The following ALK variants were observed in gnomAD, a reference collection of about 807,000 sequenced individuals.
ALK encodes the protein ALK tyrosine kinase receptor.
ALK carries 74 observed loss-of-function variants against 163.1 expected under a neutral mutation model. The observed-to-expected ratio is 0.45, with a 90% CI of 0.38 to 0.55. The LOEUF (loss-of-function observed/expected upper bound fraction) is 0.55. Among genes scored for constraint, ALK ranks in the 20% least tolerant of loss-of-function variants. The pLI, the probability that ALK is intolerant of heterozygous loss-of-function variation, is 0.00. For synonymous variants in ALK, 960 were observed against 843.2 expected (o/e 1.14, Z -2.40); for missense variants, 2,063 against 2,105.3 (o/e 0.98, Z 0.39).
chr2:29,404,307 CAAAAA>C (rs11297118), intron 4 of ALK, among the ~76,000 whole-genome samples: 31,877 of 135,286 alleles, frequency 0.24, 3,814 homozygotes, highest in Non-Finnish European at 0.29. Context: ...GACTCCGTCT[CAAAAA>C]AAAAAAAAAA....
chr2:29,669,263 T>C (rs925141561), intron 3 of ALK, among the ~76,000 whole-genome samples: 3 of 152,134 alleles, frequency 2.0e-5, no homozygotes, highest in African/African-American at 7.2e-5. Context: ...GTTTGCTTTA[T>C]ATACTTGGGA....
At chr2:29,590,333 C>T (rs921170653) in intron 3 of ALK, among the ~76,000 whole-genome samples, 2 of 152,102 alleles carry the variant, frequency 1.3e-5, no homozygotes, top group Non-Finnish European at 2.9e-5. Context: ...TGCATGGTTC[C>T]GCGGCTTGTT....
At chr2:29,498,871 A>G (rs1488358660) in intron 4 of ALK, among the ~76,000 whole-genome samples, 1 of 152,208 alleles carries the variant, frequency 6.6e-6, no homozygotes, top group Non-Finnish European at 1.5e-5. Flanking sequence ...GCACAGTCAG[A>G]GACGGTGGCA....
At chr2:29,235,098 C>T (rs565902522) in intron 13 of ALK, among the ~76,000 whole-genome samples, 217 of 152,348 alleles carry the variant, frequency 1.4e-3, no homozygotes, top group African/African-American at 4.7e-3. Flanking sequence ...CAGGATTGTG[C>T]TGGAGATTTC....
intron 11 of ALK, among the ~76,000 whole-genome samples, chr2:29,273,402 C>G (rs1665446206): frequency 6.6e-6 from 1 of 152,252 alleles, no homozygotes; most frequent in African/African-American, 2.4e-5. Flanking sequence ...CTGCTGTCTC[C>G]TCCAGCCTGT....
In ALK at chr2:29,750,692, G is replaced by GC. The variant is rs1445033197; in HGVS notation, c.668-32996_668-32995insG. The stretch of plus-strand genomic sequence containing the variant: ...GGAAGGAAGGAAGGAAGGAAGGAAG[G>GC]AAGGAAGGCAGGCAGGCAGGAAGGA... On this transcript the variant is annotated intron_variant, in intron 1 of 28. Transcript: ENST00000389048. Among the ~76,000 whole-genome samples, 126 of 140,376 alleles carry GC rather than the reference G, an allele frequency of 9.0e-4. 1 individual carries two copies. Among genetic ancestry groups the GC allele is most frequent in the African/African-American group, 2.5e-3 (98 of 38,432 alleles). The allele number at this position is 140,376 out of a possible 152,430, so 92.1% of individuals were successfully genotyped here. A position where few individuals can be genotyped will look rare whatever the true frequency, so the allele number is the denominator to read the frequency against.
intron 1 of ALK, among the ~76,000 whole-genome samples, chr2:29,794,247 C>T (rs1192529179): frequency 6.6e-6 from 1 of 152,128 alleles, no homozygotes; most frequent in East Asian, 1.9e-4. Flanking sequence ...CCTGCAGATT[C>T]TCCACCTCTT....
chr2:29,797,903 C>T (rs942510966), intron 1 of ALK, among the ~76,000 whole-genome samples: 4 of 151,970 alleles, frequency 2.6e-5, no homozygotes, highest in Admixed American at 1.3e-4. Flanking sequence ...TTAGCTGTGG[C>T]CATCCAAAGG....
At chr2:29,599,808 C>T (rs2148213527) in intron 3 of ALK, among the ~76,000 whole-genome samples, 1 of 152,278 alleles carries the variant, frequency 6.6e-6, no homozygotes, top group Non-Finnish European at 1.5e-5. Flanking sequence ...AACCCTAAAA[C>T]ATGAAAACAA....
At chr2:29,306,144 A>G (rs1025864052) in intron 8 of ALK, among the ~76,000 whole-genome samples, 6 of 151,854 alleles carry the variant, frequency 4.0e-5, no homozygotes, top group Non-Finnish European at 7.4e-5. Flanking sequence ...TTGTTAATTG[A>G]CTCTTTACTG....
At chr2:29,220,587 A>G in intron 23 of ALK, 119 bp downstream of exon 23, 1 of 1,452,334 alleles carries the variant, frequency 6.9e-7, no homozygotes, top group Admixed American at 1.9e-5. Context: ...GTCCAAGCCT[A>G]AAGTTGACAC....
At chr2:29,219,307 C>T (rs1422070755) in intron 23 of ALK, among the ~76,000 whole-genome samples, 1 of 152,164 alleles carries the variant, frequency 6.6e-6, no homozygotes, top group East Asian at 1.9e-4. Context: ...CAGTATTCTT[C>T]TTAGATACTG....
At chr2:29,794,305 C>T (rs921165640) in intron 1 of ALK, among the ~76,000 whole-genome samples, 2 of 152,092 alleles carry the variant, frequency 1.3e-5, no homozygotes, top group African/African-American at 4.8e-5. Context: ...CTAGATTAAG[C>T]TTTGACTTAA....
At chr2:29,424,426 C>T (rs888886158) in intron 4 of ALK, among the ~76,000 whole-genome samples, 6 of 152,208 alleles carry the variant, frequency 3.9e-5, no homozygotes, top group Non-Finnish European at 8.8e-5. Flanking sequence ...ACTACATTTT[C>T]TGAATATCGT....
intron 11 of ALK, among the ~76,000 whole-genome samples, chr2:29,264,295 T>C (rs767866794): frequency 1.2e-4 from 19 of 152,206 alleles, no homozygotes; most frequent in Non-Finnish European, 2.6e-4. Flanking sequence ...GAGTAAGAAG[T>C]AGCATCTTAA....
At chr2:29,291,322 C>A (rs1311458868) in intron 9 of ALK, among the ~76,000 whole-genome samples, 5 of 152,046 alleles carry the variant, frequency 3.3e-5, no homozygotes, top group Non-Finnish European at 7.4e-5. Context: ...TGTGATCATG[C>A]CACTGCACTC....
At chr2:29,632,198 A>T in intron 3 of ALK, among the ~76,000 whole-genome samples, 1 of 152,208 alleles carries the variant, frequency 6.6e-6, no homozygotes, top group African/African-American at 2.4e-5. Flanking sequence ...GTATGAGTCA[A>T]TAAAAATGAG....
chr2:29,627,054 C>T (rs1676213005), intron 3 of ALK, among the ~76,000 whole-genome samples: 1 of 152,158 alleles, frequency 6.6e-6, no homozygotes, highest in African/African-American at 2.4e-5. Context: ...GAGAAAGATG[C>T]CAGTGTTAGG....
chr2:29,404,307 CAAAA>C (rs11297118), intron 4 of ALK, among the ~76,000 whole-genome samples: 10,753 of 135,332 alleles, frequency 0.079, 1,043 homozygotes, highest in African/African-American at 0.25. Flanking sequence ...GACTCCGTCT[CAAAA>C]AAAAAAAAAA....
Sources: gnomAD v4.1 joint callset for allele counts (sites outside exome capture counted in the v4.1 genomes callset) on GRCh38, gnomAD v4.1.1 for gene constraint, MANE v1.5 for transcripts, NCBI Gene and HGNC (gene_info 2026-07-23, HGNC 2026-07-21) for gene names.